The following PDE3A variants were observed in gnomAD, a reference collection of about 807,000 sequenced individuals.
PDE3A encodes the protein cGMP-inhibited 3',5'-cyclic phosphodiesterase 3A.
In PDE3A, 43 loss-of-function variants were observed where a neutral mutation model predicts 98.3. The observed-to-expected ratio is 0.44, with a 90% CI of 0.34 to 0.56. The LOEUF is 0.56. Ranked by LOEUF, PDE3A falls within the 20% of genes least tolerant of loss-of-function variation. The pLI, the probability that PDE3A is intolerant of heterozygous loss-of-function variation, is 0.01. For missense variants in PDE3A, 1,427 were observed against 1,440.7 expected (o/e 0.99, Z 0.15); for synonymous variants, 663 against 567.9 (o/e 1.17, Z -2.38).
intron 1 of PDE3A, among the ~76,000 whole-genome samples, chr12:20,491,751 G>C (rs2121048110): frequency 6.6e-6 from 1 of 152,270 alleles, no homozygotes; most frequent in East Asian, 1.9e-4. Context: ...AGTTAAGATT[G>C]TCAAGTAATA....
intron 1 of PDE3A, among the ~76,000 whole-genome samples, chr12:20,480,257 TG>T (rs1308293143): frequency 6.6e-6 from 1 of 152,186 alleles, no homozygotes; most frequent in African/African-American, 2.4e-5. Context: ...GACAGTTAAT[TG>T]TACGAAAACC....
At chr12:20,527,986 C>T (rs1431900244) in intron 1 of PDE3A, among the ~76,000 whole-genome samples, 1 of 151,254 alleles carries the variant, frequency 6.6e-6, no homozygotes. Flanking sequence ...TGTAAGTGTT[C>T]GATTTTCTGA....
rs926725027 is a variant in PDE3A at position 20,374,391 on chromosome 12, A to C, written c.960+4147A>C. On this transcript the variant is annotated intron_variant, in intron 1 of 15. Coordinates refer to ENST00000359062, the MANE Select transcript of PDE3A (RefSeq NM_000921.5). ...TGAGTCGAAAGTGTAAAAAGTTAAAACTGTAGAACTGAAAGAAATGCTGTG... is the reference window on the plus strand; with the variant it reads ...TGAGTCGAAAGTGTAAAAAGTTAAACCTGTAGAACTGAAAGAAATGCTGTG... 3.9e-5 allele frequency among the ~76,000 whole-genome samples: 6 copies of C among 152,060 alleles called. No individual in the cohort carries two copies. The South Asian group carries it at 8.3e-4, about 21-fold the overall frequency.
chr12:20,598,339 C>A (rs760135710), intron 2 of PDE3A, among the ~76,000 whole-genome samples: 2 of 151,906 alleles, frequency 1.3e-5, no homozygotes, highest in South Asian at 2.1e-4. Context: ...CCCACCACCA[C>A]GCCCGGCTAA....
At chr12:20,599,741 C>T (rs369072857) in intron 2 of PDE3A, among the ~76,000 whole-genome samples, 14 of 152,264 alleles carry the variant, frequency 9.2e-5, no homozygotes, top group African/African-American at 3.4e-4. Context: ...TCTTTAGACC[C>T]TGTTTTCCCT....
rs375987423 is a variant in PDE3A, at chr12:20,613,473, G to A, written c.1042G>A (p.Ala348Thr). ...AGGAACCAGTATTACTGTGGACATCGCCGTCATGGGCGAGGCCCACGGCCT... is the reference window on the plus strand; with the variant it reads ...AGGAACCAGTATTACTGTGGACATCACCGTCATGGGCGAGGCCCACGGCCT... ...SSGTSITVDI[A>T]VMGEAHGLIT... Residue 348 changes from alanine to threonine, a missense_variant, in exon 3 of 16, where the codon GCC becomes ACC. By Grantham distance (58) the Ala-to-Thr change is moderately conservative. This residue lies in a region of PDE3A where 1,012 missense variants were observed against 886.5 expected (regional missense o/e 1.14). Transcript: ENST00000359062. 3.8e-5 allele frequency: 62 copies of A among 1,613,882 alleles called. No individual in the cohort carries two copies. The Admixed American group carries it at 9.7e-4, about 25-fold the overall frequency.
intron 1 of PDE3A, among the ~76,000 whole-genome samples, chr12:20,395,767 G>C (rs930264153): frequency 2.7e-5 from 4 of 150,642 alleles, no homozygotes; most frequent in African/African-American, 9.7e-5. Flanking sequence ...AATTTGGGGA[G>C]ACCTATAGAG....
chr12:20,583,328 A>C (rs1424291612), intron 2 of PDE3A, among the ~76,000 whole-genome samples: 1 of 152,164 alleles, frequency 6.6e-6, no homozygotes, highest in African/African-American at 2.4e-5. Flanking sequence ...GTGAATAAAG[A>C]GTTTGGAATT....
In PDE3A at chr12:20,549,010, A is replaced by G. The variant is rs574505209; in HGVS notation, c.961-7650A>G. On this transcript the variant is annotated intron_variant, in intron 1 of 15. Transcript: ENST00000359062. Reference sequence around the variant, plus strand: ...ATCACACATCAAGAAAGGGCTAGGGAGATGTCTTTGTGAAACATTTATCCC... The same window carrying G: ...ATCACACATCAAGAAAGGGCTAGGGGGATGTCTTTGTGAAACATTTATCCC... Among the ~76,000 whole-genome samples the G allele has an allele frequency of 3.6e-4, 54 of 152,100 alleles. 1 individual carries two copies. The Middle Eastern group carries it at 0.01, about 29-fold the overall frequency.
chr12:20,404,416 A>G (rs1423438681), intron 1 of PDE3A, among the ~76,000 whole-genome samples: 4 of 151,942 alleles, frequency 2.6e-5, no homozygotes, highest in Non-Finnish European at 5.9e-5. Flanking sequence ...CATATACTGT[A>G]GGTTAAAAAA....
chr12:20,388,604 A>G (rs575223440), intron 1 of PDE3A, among the ~76,000 whole-genome samples: 1 of 152,116 alleles, frequency 6.6e-6, no homozygotes, highest in South Asian at 2.1e-4. Context: ...TACCTCACTG[A>G]TTACCAGGCT....
intron 2 of PDE3A, among the ~76,000 whole-genome samples, chr12:20,602,512 A>G (rs1225592192): frequency 6.6e-6 from 1 of 152,214 alleles, no homozygotes; most frequent in African/African-American, 2.4e-5. Flanking sequence ...GACAGAGGCC[A>G]TGTATTCCAT....
At chr12:20,408,720 T>A (rs182814010) in intron 1 of PDE3A, among the ~76,000 whole-genome samples, 231 of 152,356 alleles carry the variant, frequency 1.5e-3, no homozygotes, top group African/African-American at 4.6e-3. Context: ...AAATATATAA[T>A]CCTGAGTGAT....
chr12:20,369,639 G>T lies in PDE3A; in HGVS notation c.355G>T (p.Ala119Ser). ...GGVFPGPRGGAPGGGARLSPW... is the reference protein window; with the variant it reads ...GGVFPGPRGGSPGGGARLSPW... ...CGTCTTCCCGGGGCCTCGGGGAGGT[G>T]CTCCCGGGGGCGGTGCGCGGCTCAG... The change falls in exon 1 of 16, where the codon GCT becomes TCT. Residue 119 changes from alanine to serine, a missense_variant. By Grantham distance (99) the Ala-to-Ser change is moderately conservative. Transcript: ENST00000359062. 6.3e-7 allele frequency: 1 copy of T among 1,594,116 alleles called. No homozygotes were observed. The highest frequency in any genetic ancestry group is 8.5e-7 in the Non-Finnish European group (1 of 1,171,154).
intron 1 of PDE3A, among the ~76,000 whole-genome samples, chr12:20,454,055 T>C (rs187798915): frequency 6.6e-6 from 1 of 152,274 alleles, no homozygotes; most frequent in Non-Finnish European, 1.5e-5. Flanking sequence ...ACATCAGCTA[T>C]AGACAGCAAA....
intron 2 of PDE3A, among the ~76,000 whole-genome samples, chr12:20,562,426 G>T (rs1333293366): frequency 6.6e-6 from 1 of 151,772 alleles, no homozygotes; most frequent in Admixed American, 6.6e-5. Context: ...CACCATTTTG[G>T]CCAGCATGAT....
chr12:20,386,005 T>TAAATATATATAAAATATATATAA (rs1487460876), intron 1 of PDE3A, among the ~76,000 whole-genome samples: 1 of 101,824 alleles, frequency 9.8e-6, no homozygotes, highest in Admixed American at 1.5e-4. Context: ...AATATATATA[T>TAAATATATATAAAATATATATAA]AAATATATAT....
intron 1 of PDE3A, among the ~76,000 whole-genome samples, chr12:20,404,545 G>C (rs1354715276): frequency 1.3e-5 from 2 of 152,106 alleles, no homozygotes; most frequent in African/African-American, 4.8e-5. Flanking sequence ...TTATATGCAT[G>C]ACAGATACTC....
At chr12:20,562,530 T>G (rs1249367760) in intron 2 of PDE3A, among the ~76,000 whole-genome samples, 3 of 144,002 alleles carry the variant, frequency 2.1e-5, no homozygotes, top group African/African-American at 2.6e-5. Flanking sequence ...TTTTTTTTTT[T>G]GTTTTTTAAA....
Sources: gnomAD v4.1 joint callset for allele counts (sites outside exome capture counted in the v4.1 genomes callset) on GRCh38, gnomAD v4.1.1 for gene constraint, gnomAD v4.1.1 regional missense constraint, MANE v1.5 for transcripts, NCBI Gene and HGNC (gene_info 2026-07-23, HGNC 2026-07-21) for gene names.